Variants in SOS2 observed in about 807,000 individuals in gnomAD.
The protein encoded by SOS2 is SOS Ras/Rho guanine nucleotide exchange factor 2, also known as son of sevenless homolog 2.
SOS2 carries 65 observed loss-of-function variants against 148.2 expected under a neutral mutation model. That is an observed-to-expected ratio of 0.44 (90% confidence interval 0.36 to 0.54). The LOEUF (loss-of-function observed/expected upper bound fraction) is 0.54. Among genes scored for constraint, SOS2 ranks in the 20% least tolerant of loss-of-function variants. The pLI, the probability that SOS2 is intolerant of heterozygous loss-of-function variation, is 0.00. For missense variants in SOS2, 1,341 were observed against 1,590.2 expected (o/e 0.84, Z 2.67); for synonymous variants, 539 against 537.1 (o/e 1.00, Z -0.05).
At chr14:50,164,863 A>G (rs1234654506) in intron 8 of SOS2, among the ~76,000 whole-genome samples, 2 of 152,142 alleles carry the variant, frequency 1.3e-5, no homozygotes, top group Admixed American at 1.3e-4. Flanking sequence ...AATTTATAGA[A>G]AAGTTGTAAA....
At chr14:50,192,355 G>C (rs1359880675) in intron 4 of SOS2, among the ~76,000 whole-genome samples, 1 of 152,062 alleles carries the variant, frequency 6.6e-6, no homozygotes, top group African/African-American at 2.4e-5. Context: ...AGGAGTTCAA[G>C]ACCAGCCTGC....
At chr14:50,216,834 G>C (rs1393323241) in intron 1 of SOS2, among the ~76,000 whole-genome samples, 1 of 152,178 alleles carries the variant, frequency 6.6e-6, no homozygotes, top group Non-Finnish European at 1.5e-5. Flanking sequence ...TAAATGAAGA[G>C]ATTAAACTAT....
At chr14:50,187,344 A>ATT (rs1369288558) in intron 5 of SOS2, among the ~76,000 whole-genome samples, 1 of 117,094 alleles carries the variant, frequency 8.5e-6, no homozygotes. Flanking sequence ...TATTATTGTT[A>ATT]CTTTTTTTTT....
intron 14 of SOS2, among the ~76,000 whole-genome samples, chr14:50,149,141 C>T (rs1884584104): frequency 6.6e-6 from 1 of 152,176 alleles, no homozygotes; most frequent in African/African-American, 2.4e-5. Context: ...AAGCGATCTG[C>T]CCACCTTGGC....
At chr14:50,149,284 G>A (rs544989280) in intron 14 of SOS2, among the ~76,000 whole-genome samples, 9 of 152,134 alleles carry the variant, frequency 5.9e-5, no homozygotes, top group African/African-American at 1.9e-4. Flanking sequence ...AAGAAAATGT[G>A]GTATATATAC....
chr14:50,126,216 A>G (rs1394650031), intron 21 of SOS2, among the ~76,000 whole-genome samples: 2 of 152,170 alleles, frequency 1.3e-5, no homozygotes, highest in South Asian at 2.1e-4. Flanking sequence ...CTAGAAACAA[A>G]ACAAATTTTT....
intron 8 of SOS2, among the ~76,000 whole-genome samples, chr14:50,173,179 C>T (rs567739291): frequency 3.9e-5 from 6 of 151,962 alleles, no homozygotes; most frequent in Non-Finnish European, 8.8e-5. Flanking sequence ...TATCTTTCTG[C>T]TTGATTATTT....
At chr14:50,206,035 T>G (rs1315629821) in intron 1 of SOS2, among the ~76,000 whole-genome samples, 1 of 152,190 alleles carries the variant, frequency 6.6e-6, no homozygotes, top group African/African-American at 2.4e-5. Flanking sequence ...GTTCTTTTCT[T>G]GATCAGCATC....
At chr14:50,218,983 C>A (rs1233648015) in intron 1 of SOS2, among the ~76,000 whole-genome samples, 1 of 151,772 alleles carries the variant, frequency 6.6e-6, no homozygotes, top group African/African-American at 2.4e-5. Flanking sequence ...CGTGGTGGGG[C>A]GTGCCTGTAA....
In SOS2 at chr14:50,138,713, A is replaced by T; in HGVS notation, c.2857T>A (p.Leu953Ile). ...TTCCTCCTCTTACTGAAATTGATTA[A>T]ATCTTTCCCTTTCTTTTTTAAAAAA... ...NDFLKKKGKD[L>I]INFSKRRKVA... is the part of the protein sequence containing the mutation. The change falls in exon 18 of 23, where the codon TTA becomes ATA. Residue 953 changes from leucine to isoleucine, a missense_variant. By Grantham distance (5) the Leu-to-Ile change is conservative (BLOSUM62 2). Around this residue, in one of 4 missense-constraint regions of SOS2, gnomAD observed 408 missense variants for 506.6 expected, o/e 0.81. Transcript: ENST00000216373. The T allele has an allele frequency of 7.3e-7, 1 of 1,379,002 alleles. No individual in the cohort carries two copies. The highest frequency in any genetic ancestry group is 1.4e-5 in the African/African-American group (1 of 69,474). The allele number at this position is 1,379,002 out of a possible 1,614,324, so 85.4% of individuals were successfully genotyped here. A position where few individuals can be genotyped will look rare whatever the true frequency, so the allele number is the denominator to read the frequency against.
rs1293320922 is a variant in SOS2, at chr14:50,118,450, G to C, written c.3893C>G (p.Ser1298Ter). ...TGGCAGTTTTGGCAGATGAGGGCTT[G>C]AATTCTGCCTTGGTGGAACAGGGGG... ...PAPPVPPRQN[S>*]SPHLPKLPPK... Residue 1298 changes from serine (S) to a stop codon, truncating the protein, a stop_gained, in exon 23 of 23, where the codon TCA (serine) becomes TGA (stop). Transcript: ENST00000216373. LOFTEE classifies it high-confidence loss of function. 6.2e-7 allele frequency: 1 copy of C among 1,614,042 alleles called. No individual in the cohort carries two copies.
intron 8 of SOS2, among the ~76,000 whole-genome samples, chr14:50,162,516 T>C (rs1291292489): frequency 6.6e-6 from 1 of 152,238 alleles, no homozygotes; most frequent in African/African-American, 2.4e-5. Flanking sequence ...CAACTATGAA[T>C]AGAGAAAATA....
At chr14:50,210,686 T>C (rs1886840121) in intron 1 of SOS2, among the ~76,000 whole-genome samples, 1 of 139,552 alleles carries the variant, frequency 7.2e-6, no homozygotes, top group African/African-American at 2.8e-5. Context: ...AAAAATTCAG[T>C]AAGAAAAAAA....
chr14:50,163,488 T>G (rs923553148), intron 8 of SOS2, among the ~76,000 whole-genome samples: 3 of 152,166 alleles, frequency 2.0e-5, no homozygotes, highest in African/African-American at 7.2e-5. Context: ...AAGACACATG[T>G]AGAGGTCTTG....
chr14:50,120,762 C>CG (rs1308343777), intron 21 of SOS2, among the ~76,000 whole-genome samples: 9 of 91,818 alleles, frequency 9.8e-5, no homozygotes, highest in Middle Eastern at 0.014. Context: ...TTTTTTGAGA[C>CG]GGAGTCCCAC....
intron 1 of SOS2, among the ~76,000 whole-genome samples, chr14:50,222,584 G>A (rs993558716): frequency 6.6e-6 from 1 of 152,188 alleles, no homozygotes; most frequent in African/African-American, 2.4e-5. Flanking sequence ...CCTAAAGGAG[G>A]TAAAAGGGCC....
intron 4 of SOS2, among the ~76,000 whole-genome samples, chr14:50,195,320 T>C (rs751113199): frequency 6.6e-5 from 10 of 152,214 alleles, no homozygotes; most frequent in African/African-American, 9.7e-5. Flanking sequence ...ATCTGGACTA[T>C]TGTCTTCACA....
chr14:50,216,101 GTTTTTTTTT>G (rs60210250), intron 1 of SOS2, among the ~76,000 whole-genome samples: 1 of 139,120 alleles, frequency 7.2e-6, no homozygotes, highest in Non-Finnish European at 1.6e-5. Context: ...GGTTTTTTTT[GTTTTTTTTT>G]TTTGAGATGG....
rs544634415 is a variant in SOS2, at chr14:50,177,753, G to A, written c.969+2819C>T. Among the ~76,000 whole-genome samples, 3 of 152,194 alleles carry A rather than the reference G, an allele frequency of 2.0e-5. No individual in the cohort carries two copies. The South Asian group carries it at 6.2e-4, about 32-fold the overall frequency. Reference sequence around the variant, plus strand: ...ACAAATTTTTGACAATAGAGAAGTGGAAGATAATAAACAATGGGAATTTAT... The same window carrying A: ...ACAAATTTTTGACAATAGAGAAGTGAAAGATAATAAACAATGGGAATTTAT... On this transcript the variant is annotated intron_variant, in intron 7 of 22. Coordinates refer to ENST00000216373, the MANE Select transcript of SOS2 (RefSeq NM_006939.4).
Sources: allele counts gnomAD v4.1 joint callset (sites outside exome capture counted in the v4.1 genomes callset), GRCh38; gene constraint gnomAD v4.1.1; regional missense constraint gnomAD v4.1.1; transcripts MANE v1.5; gene names NCBI Gene and HGNC (gene_info 2026-07-23, HGNC 2026-07-21).